The following MFAP3 variants were observed in gnomAD, a reference collection of about 807,000 sequenced individuals.
MFAP3 encodes microfibril associated protein 3.
MFAP3 carries 8 observed loss-of-function variants against 20.5 expected under a neutral mutation model. The observed-to-expected ratio is 0.39, with a 90% CI of 0.23 to 0.70. The LOEUF (loss-of-function observed/expected upper bound fraction) is 0.70. Among genes scored for constraint, MFAP3 ranks in the 30% least tolerant of loss-of-function variants. MFAP3 has a pLI of 0.44. For missense variants in MFAP3, 398 were observed against 444.6 expected, an observed-to-expected ratio of 0.90 and a Z score of 0.94; for synonymous variants, 140 against 154.0, an observed-to-expected ratio of 0.91 and a Z score of 0.67.
chr5:154,050,552 T>G (rs1773163849), intron 2 of MFAP3, among the ~76,000 whole-genome samples: 1 of 151,904 alleles, frequency 6.6e-6, no homozygotes, highest in Non-Finnish European at 1.5e-5. Flanking sequence ...CATAAAACTT[T>G]GACGTCAGGT....
chr5:154,041,058 ATAAC>A (rs1308916062), intron 1 of MFAP3, among the ~76,000 whole-genome samples: 1 of 152,062 alleles, frequency 6.6e-6, no homozygotes, highest in Non-Finnish European at 1.5e-5. Flanking sequence ...TTTTGAACGG[ATAAC>A]TAACTGCTAA....
chr5:154,041,489 T>G (rs866060540), intron 1 of MFAP3, among the ~76,000 whole-genome samples: 1 of 152,262 alleles, frequency 6.6e-6, no homozygotes, highest in Non-Finnish European at 1.5e-5. Context: ...AAGACCAGAC[T>G]TAATGTTTAA....
chr5:154,050,303 G>C (rs1164014979), intron 2 of MFAP3, among the ~76,000 whole-genome samples: 1 of 152,140 alleles, frequency 6.6e-6, no homozygotes, highest in Non-Finnish European at 1.5e-5. Flanking sequence ...TGAAGGTAGA[G>C]TAAATCAGGG....
intron 1 of MFAP3, among the ~76,000 whole-genome samples, chr5:154,042,827 G>A (rs1772987088): frequency 8.1e-6 from 1 of 124,166 alleles, no homozygotes; most frequent in Non-Finnish European, 1.8e-5. Flanking sequence ...CAATATAATT[G>A]GAGTTTAAAA....
chr5:154,050,113 G>A (rs185420500), intron 2 of MFAP3, 96 bp downstream of exon 2: 15 of 1,364,342 alleles, frequency 1.1e-5, no homozygotes, highest in Non-Finnish European at 1.5e-5. Context: ...AAGATAAGGT[G>A]CCAAGGTGAA....
Position 154,053,971 on chromosome 5 carries a change from G to A in MFAP3, c.*258G>A, listed in dbSNP as rs149283031. ...TAAAGGAGCCCCAGATAAACATGAT[G>A]GGGAAAAGCACTGAACTAAGAGTCC... is the stretch of plus-strand genomic sequence containing the variant. On this transcript the variant is annotated 3_prime_UTR_variant, in exon 3 of 3. Coordinates refer to ENST00000522782, the MANE Select transcript of MFAP3 (RefSeq NM_005927.5). The A allele has an allele frequency of 6.5e-3, 2,591 of 399,458 alleles. 15 individuals carry two copies. Among genetic ancestry groups the A allele is most frequent in the Non-Finnish European group, 9.2e-3 (1,962 of 212,910 alleles). The allele number at this position is 399,458 out of a possible 1,614,324, so 24.7% of individuals were successfully genotyped here.
At chr5:154,051,249 G>A (rs911008407) in intron 2 of MFAP3, among the ~76,000 whole-genome samples, 2 of 152,170 alleles carry the variant, frequency 1.3e-5, no homozygotes, top group African/African-American at 4.8e-5. Flanking sequence ...ACGATATCCT[G>A]ACCAAACACC....
chr5:154,053,186 T>A lies in MFAP3; in HGVS notation c.562T>A (p.Phe188Ile). The A allele has an allele frequency of 1.2e-6, 2 of 1,613,936 alleles. No homozygotes were observed. Among genetic ancestry groups the A allele is most frequent in the Non-Finnish European group, 1.7e-6 (2 of 1,179,912 alleles). ...RKTEKAINEF[F>I]RTEGAEKLQK... ...GACTGAGAAGGCTATCAATGAGTTC[T>A]TTAGAACTGAAGGGGCTGAGAAACT... Residue 188 changes from phenylalanine (F) to isoleucine (I), a missense_variant, in exon 3 of 3, where the codon TTT (phenylalanine) becomes ATT (isoleucine). Physicochemically the swap from Phe to Ile is conservative, Grantham distance 21 (BLOSUM62 0). Transcript: ENST00000522782.
At chr5:154,052,575 C>T (rs1773224485) in intron 2 of MFAP3, among the ~76,000 whole-genome samples, 1 of 152,104 alleles carries the variant, frequency 6.6e-6, no homozygotes, top group South Asian at 2.1e-4. Flanking sequence ...TAGACGGACA[C>T]ATATGTATAA....
Position 154,045,372 on chromosome 5 carries a change from C to T in MFAP3, c.-166-4185C>T, listed in dbSNP as rs1482671561. On this transcript the variant is annotated intron_variant, in intron 1 of 2. Transcript: ENST00000522782. ...GGGATCCAAGCTCAGTTTACAATGCCTATATGCTCCATAATATTGCAAAAT... is the reference window on the plus strand; with the variant it reads ...GGGATCCAAGCTCAGTTTACAATGCTTATATGCTCCATAATATTGCAAAAT... Among the ~76,000 whole-genome samples, 3 of 152,012 alleles carry T rather than the reference C, an allele frequency of 2.0e-5. No homozygotes were observed. In the East Asian group the frequency reaches 5.8e-4, roughly 29 times the overall value.
At position 154,055,650 on chromosome 5, in the gene MFAP3, G is replaced by C. The variant is rs1773312298; in HGVS notation, c.*1937G>C. 6.6e-6 allele frequency among the ~76,000 whole-genome samples: 1 copy of C among 152,046 alleles called. No individual in the cohort carries two copies. Among genetic ancestry groups the C allele is most frequent in the African/African-American group, 2.4e-5 (1 of 41,370 alleles). On this transcript the variant is annotated 3_prime_UTR_variant, in exon 3 of 3. Coordinates refer to ENST00000522782, the MANE Select transcript of MFAP3 (RefSeq NM_005927.5). ...ATTAAATTTTTTTTCTGTCCACTGAGACTGGAGTGCAGTGGCAAGATCATA... is the reference window on the plus strand; with the variant it reads ...ATTAAATTTTTTTTCTGTCCACTGACACTGGAGTGCAGTGGCAAGATCATA...
At chr5:154,049,485 T>G in intron 1 of MFAP3, 72 bp from the exon 2 acceptor site, 2 of 484,464 alleles carry the variant, frequency 4.1e-6, no homozygotes, top group East Asian at 7.3e-5. Flanking sequence ...CATCTATTCA[T>G]TCTGGAACAT....
intron 2 of MFAP3, among the ~76,000 whole-genome samples, chr5:154,050,761 T>C (rs1773172109): frequency 6.6e-6 from 1 of 152,074 alleles, no homozygotes; most frequent in Admixed American, 6.6e-5. Context: ...AATTTTCCTA[T>C]TCATGGATCT....
At chr5:154,052,301 T>C (rs1773209883) in intron 2 of MFAP3, among the ~76,000 whole-genome samples, 1 of 151,680 alleles carries the variant, frequency 6.6e-6, no homozygotes, top group South Asian at 2.1e-4. Flanking sequence ...TCAACAAAAG[T>C]TTCTTAACAA....
chr5:154,055,937 G>A lies in MFAP3; in HGVS notation c.*2224G>A, dbSNP rs11958069. Among the ~76,000 whole-genome samples the A allele has an allele frequency of 0.12, 18,429 of 152,132 alleles. 1,276 individuals are homozygous for A. The highest frequency in any genetic ancestry group is 0.15 in the African/African-American group (6,322 of 41,476). ...AACATTTTAAATCCCTTGTCTGGGG[G>A]TCAGTCCTCTAAACATCCCTCAGAT... is the stretch of plus-strand genomic sequence containing the variant. On this transcript the variant is annotated 3_prime_UTR_variant, in exon 3 of 3. Coordinates refer to ENST00000522782, the MANE Select transcript of MFAP3 (RefSeq NM_005927.5).
Position 154,055,201 on chromosome 5 carries a change from C to T in MFAP3, c.*1488C>T, listed in dbSNP as rs971195322. 6.6e-6 allele frequency among the ~76,000 whole-genome samples: 1 copy of T among 152,206 alleles called. No individual in the cohort carries two copies. Among genetic ancestry groups the T allele is most frequent in the African/African-American group, 2.4e-5 (1 of 41,454 alleles). On this transcript the variant is annotated 3_prime_UTR_variant, in exon 3 of 3. Coordinates refer to ENST00000522782, the MANE Select transcript of MFAP3 (RefSeq NM_005927.5). Reference sequence around the variant, plus strand: ...ACTTCTGATTATTGAAGCATTACTTCAGCTAGAGGCTCCTGAGGGAAATGT... The same window carrying T: ...ACTTCTGATTATTGAAGCATTACTTTAGCTAGAGGCTCCTGAGGGAAATGT...
In MFAP3 at chr5:154,055,024, T is replaced by C. The variant is rs897779802; in HGVS notation, c.*1311T>C. The C allele has an allele frequency of 1.8e-5, 3 of 166,970 alleles. No homozygotes were observed. The highest frequency in any genetic ancestry group is 7.2e-5 in the African/African-American group (3 of 41,446). The allele number at this position is 166,970 out of a possible 1,614,324, so 10.3% of individuals were successfully genotyped here. A position where few individuals can be genotyped will look rare whatever the true frequency, so the allele number is the denominator to read the frequency against. On this transcript the variant is annotated 3_prime_UTR_variant, in exon 3 of 3. Transcript: ENST00000522782. Reference sequence around the variant, plus strand: ...GCTTCAACTGTATATAATAAACACTTATGATGACATTTCTTGCCTGGCTGA... The same window carrying C: ...GCTTCAACTGTATATAATAAACACTCATGATGACATTTCTTGCCTGGCTGA...
At chr5:154,050,610 C>CTT (rs11167656) in intron 2 of MFAP3, among the ~76,000 whole-genome samples, 1,879 of 93,238 alleles carry the variant, frequency 0.02, 27 homozygotes, top group Non-Finnish European at 0.026. Context: ...CCTTCCAGCT[C>CTT]TTTTTTTTTT....
Position 154,055,177 on chromosome 5 carries a change from C to G in MFAP3, c.*1464C>G, listed in dbSNP as rs72806620. 2.4e-5 allele frequency: 4 copies of G among 167,042 alleles called. No individual in the cohort carries two copies. Among genetic ancestry groups the G allele is most frequent in the African/African-American group, 9.6e-5 (4 of 41,454 alleles). 10.3% of individuals were successfully genotyped at this position (167,042 alleles called of 1,614,324 possible). A position where few individuals can be genotyped will look rare whatever the true frequency, so the allele number is the denominator to read the frequency against. On this transcript the variant is annotated 3_prime_UTR_variant, in exon 3 of 3. Coordinates refer to ENST00000522782, the MANE Select transcript of MFAP3 (RefSeq NM_005927.5). ...TGGGGCTTCACGTTTCTTCATATGA[C>G]TTCTGATTATTGAAGCATTACTTCA...
Sources: allele counts gnomAD v4.1 joint callset (sites outside exome capture counted in the v4.1 genomes callset), GRCh38; gene constraint gnomAD v4.1.1; transcripts MANE v1.5; gene names NCBI Gene and HGNC (gene_info 2026-07-23, HGNC 2026-07-21).